The following RNF217 variants were observed in gnomAD, a reference collection of about 807,000 sequenced individuals.
RNF217 encodes E3 ubiquitin-protein ligase RNF217.
RNF217 carries 31 observed loss-of-function variants against 57.8 expected under a neutral mutation model. The ratio of observed to expected loss-of-function variants is 0.54; its 90% CI spans 0.40 to 0.72. The LOEUF is 0.72. RNF217 is among the 30% of genes least tolerant of loss of function. The pLI is 0.00. For synonymous variants in RNF217, 313 were observed against 294.0 expected, an observed-to-expected ratio of 1.06 and a Z score of -0.66; for missense variants, 696 against 708.3, an observed-to-expected ratio of 0.98 and a Z score of 0.20.
chr6:125,057,001 T>TAG (rs1787550915), intron 2 of RNF217, among the ~76,000 whole-genome samples: 1 of 152,220 alleles, frequency 6.6e-6, no homozygotes, highest in Non-Finnish European at 1.5e-5. Context: ...TTCTGACGGT[T>TAG]TTCTAAGTAC....
intron 1 of RNF217, among the ~76,000 whole-genome samples, chr6:124,985,585 T>C (rs1041569322): frequency 6.6e-6 from 1 of 152,174 alleles, no homozygotes; most frequent in Non-Finnish European, 1.5e-5. Context: ...ACATGATATA[T>C]GTATTGAAAA....
chr6:124,998,437 T>C (rs1246908426), intron 1 of RNF217, among the ~76,000 whole-genome samples: 1 of 152,202 alleles, frequency 6.6e-6, no homozygotes, highest in Non-Finnish European at 1.5e-5. Flanking sequence ...TTGTCCATGA[T>C]CCCAAAATTC....
At chr6:125,046,083 G>A (rs1787087657) in intron 2 of RNF217, among the ~76,000 whole-genome samples, 1 of 152,042 alleles carries the variant, frequency 6.6e-6, no homozygotes, top group East Asian at 1.9e-4. Flanking sequence ...GTCAGGAATG[G>A]CTTCACAGAG....
intron 1 of RNF217, among the ~76,000 whole-genome samples, chr6:125,006,477 T>C (rs907009340): frequency 4.6e-5 from 7 of 152,218 alleles, no homozygotes; most frequent in Non-Finnish European, 8.8e-5. Context: ...TCCACAGAAA[T>C]TTACAGCATG....
chr6:124,987,877 T>G (rs1479537644), intron 1 of RNF217, among the ~76,000 whole-genome samples: 1 of 152,214 alleles, frequency 6.6e-6, no homozygotes, highest in Non-Finnish European at 1.5e-5. Context: ...ACTTGTACAT[T>G]CTGCGGTTTG....
rs751270800 is a variant in RNF217, at chr6:125,058,064, T to A, written c.1239T>A (p.Ile413=). 1.9e-6 allele frequency: 3 copies of A among 1,613,500 alleles called. No individual in the cohort carries two copies. In the South Asian group the frequency reaches 3.3e-5, roughly 18 times the overall value. ...DKLLRHWASE[I]EHGQRNAQKC... is the part of the protein sequence containing the mutation. ...TGTTGCGTCACTGGGCCAGCGAAAT[T>A]GAGCATGGGCAGAGGAATGCCCAGA... is the stretch of plus-strand genomic sequence containing the variant. The change falls in exon 3 of 6, where the codon ATT becomes ATA. Residue 413 remains isoleucine, a synonymous_variant. Transcript: ENST00000521654.
intron 1 of RNF217, among the ~76,000 whole-genome samples, chr6:125,003,127 CAT>C (rs1439296824): frequency 3.9e-5 from 6 of 152,094 alleles, no homozygotes; most frequent in East Asian, 3.8e-4. Flanking sequence ...CACACACACA[CAT>C]ACCTATTCAC....
intron 1 of RNF217, among the ~76,000 whole-genome samples, chr6:125,035,689 GT>G (rs1268656616): frequency 3.9e-5 from 6 of 152,044 alleles, no homozygotes; most frequent in African/African-American, 1.2e-4. Context: ...AAATGTTATG[GT>G]TTTTTAATGT....
At chr6:125,046,881 A>T (rs1248773422) in intron 2 of RNF217, among the ~76,000 whole-genome samples, 2 of 152,058 alleles carry the variant, frequency 1.3e-5, no homozygotes, top group African/African-American at 4.8e-5. Flanking sequence ...GCCATTCTCT[A>T]TCAGGTATAA....
chr6:125,017,507 G>A (rs549108118), intron 1 of RNF217, among the ~76,000 whole-genome samples: 47 of 152,244 alleles, frequency 3.1e-4, no homozygotes, highest in African/African-American at 9.9e-4. Flanking sequence ...CAAAACAAGT[G>A]TATGAATGGC....
intron 3 of RNF217, among the ~76,000 whole-genome samples, chr6:125,065,592 G>C (rs756146699): frequency 9.2e-5 from 14 of 152,114 alleles, no homozygotes; most frequent in Non-Finnish European, 1.9e-4. Flanking sequence ...AGATGATGAG[G>C]GCTTCTGCAA....
chr6:125,076,343 C>T (rs576628558), intron 3 of RNF217, among the ~76,000 whole-genome samples: 3 of 152,146 alleles, frequency 2.0e-5, no homozygotes, highest in Non-Finnish European at 4.4e-5. Context: ...TTTAAATTGC[C>T]TCCTAACCGT....
intron 1 of RNF217, among the ~76,000 whole-genome samples, chr6:125,039,411 A>G (rs1222948854): frequency 6.6e-6 from 1 of 152,158 alleles, no homozygotes; most frequent in Non-Finnish European, 1.5e-5. Flanking sequence ...TGTCCTAAAT[A>G]TATATGCACC....
chr6:125,064,876 G>T (rs1164498579), intron 3 of RNF217, among the ~76,000 whole-genome samples: 2 of 151,910 alleles, frequency 1.3e-5, no homozygotes, highest in East Asian at 3.9e-4. Flanking sequence ...AGAAAATGTA[G>T]TGTACCTTAA....
chr6:125,075,617 G>A (rs1287970491), intron 3 of RNF217, among the ~76,000 whole-genome samples: 2 of 152,136 alleles, frequency 1.3e-5, no homozygotes, highest in African/African-American at 2.4e-5. Flanking sequence ...CCCTTGACAC[G>A]TGGGGATTGT....
chr6:124,982,407 T>TA (rs1562451488), intron 1 of RNF217, among the ~76,000 whole-genome samples: 7 of 152,136 alleles, frequency 4.6e-5, no homozygotes. Flanking sequence ...TTTCATAGGG[T>TA]AATACAAGAT....
At chr6:124,974,980 C>G (rs1158109397) in intron 1 of RNF217, among the ~76,000 whole-genome samples, 1 of 152,234 alleles carries the variant, frequency 6.6e-6, no homozygotes, top group Non-Finnish European at 1.5e-5. Flanking sequence ...ACCTTTGCCC[C>G]CTGGCTCAGG....
At chr6:125,029,700 G>A (rs1311190458) in intron 1 of RNF217, among the ~76,000 whole-genome samples, 1 of 152,094 alleles carries the variant, frequency 6.6e-6, no homozygotes, top group African/African-American at 2.4e-5. Context: ...AGTGTCAAAC[G>A]TTGATTACCT....
At chr6:125,039,960 G>A (rs895095640) in intron 1 of RNF217, among the ~76,000 whole-genome samples, 1 of 152,102 alleles carries the variant, frequency 6.6e-6, no homozygotes, top group South Asian at 2.1e-4. Context: ...TGTTAAGAGG[G>A]AAATTTAGAG....
Sources: gnomAD v4.1 joint callset for allele counts (sites outside exome capture counted in the v4.1 genomes callset) on GRCh38, gnomAD v4.1.1 for gene constraint, MANE v1.5 for transcripts, NCBI Gene and HGNC (gene_info 2026-07-23, HGNC 2026-07-21) for gene names.